ADGRB3: variants seen among roughly 807,000 people sequenced by gnomAD.
The protein encoded by ADGRB3 is adhesion G protein-coupled receptor B3, also known as brain-specific angiogenesis inhibitor 3.
ADGRB3 carries 37 observed loss-of-function variants against 193.4 expected under a neutral mutation model. That is an observed-to-expected ratio of 0.19 (90% CI 0.15 to 0.25). The LOEUF (loss-of-function observed/expected upper bound fraction) is 0.25. Among genes scored for constraint, ADGRB3 ranks in the 10% least tolerant of loss-of-function variants. The pLI, the probability that ADGRB3 is intolerant of heterozygous loss-of-function variation, is 1.00. For missense variants in ADGRB3, 1,637 were observed against 1,852.9 expected (o/e 0.88, Z 2.14); for synonymous variants, 690 against 644.2 (o/e 1.07, Z -1.08).
chr6:68,749,281 A>C (rs1766146077), intron 3 of ADGRB3, among the ~76,000 whole-genome samples: 2 of 152,186 alleles, frequency 1.3e-5, no homozygotes, highest in African/African-American at 4.8e-5. Context: ...TCAGGCTGTA[A>C]ATTTTCCAAA....
intron 20 of ADGRB3, among the ~76,000 whole-genome samples, chr6:69,315,630 C>T (rs1370256319): frequency 6.6e-6 from 1 of 151,330 alleles, no homozygotes; most frequent in Non-Finnish European, 1.5e-5. Flanking sequence ...CTGTGGTCGT[C>T]ACCAAAATTT....
At chr6:68,924,150 T>C (rs1767118144) in intron 3 of ADGRB3, among the ~76,000 whole-genome samples, 1 of 152,084 alleles carries the variant, frequency 6.6e-6, no homozygotes, top group African/African-American at 2.4e-5. Context: ...TTACTGCTGA[T>C]TTATAAGAAT....
intron 13 of ADGRB3, among the ~76,000 whole-genome samples, chr6:69,030,366 A>G (rs1451722846): frequency 6.6e-6 from 1 of 152,190 alleles, no homozygotes; most frequent in African/African-American, 2.4e-5. Context: ...AACCAACCCA[A>G]ATGCCCATCA....
intron 17 of ADGRB3, among the ~76,000 whole-genome samples, chr6:69,139,589 C>A (rs1394861460): frequency 6.6e-6 from 1 of 152,120 alleles, no homozygotes; most frequent in Non-Finnish European, 1.5e-5. Flanking sequence ...ATAACTATAG[C>A]AACCATTTTT....
intron 20 of ADGRB3, among the ~76,000 whole-genome samples, chr6:69,251,692 T>A (rs1331685926): frequency 6.6e-6 from 1 of 152,168 alleles, no homozygotes; most frequent in African/African-American, 2.4e-5. Context: ...AACATAGTGT[T>A]TTGATATAAG....
At chr6:69,171,586 A>G (rs1191549429) in intron 17 of ADGRB3, among the ~76,000 whole-genome samples, 1 of 152,198 alleles carries the variant, frequency 6.6e-6, no homozygotes, top group Admixed American at 6.5e-5. Flanking sequence ...GTTATGATCC[A>G]TACAATTGGA....
At chr6:69,356,439 G>T (rs1446336672) in intron 28 of ADGRB3, among the ~76,000 whole-genome samples, 2 of 152,044 alleles carry the variant, frequency 1.3e-5, no homozygotes, top group East Asian at 3.8e-4. Flanking sequence ...TGACAAAATA[G>T]AATTCTTAAA....
At chr6:69,313,740 C>G (rs1049331662) in intron 20 of ADGRB3, among the ~76,000 whole-genome samples, 1 of 151,472 alleles carries the variant, frequency 6.6e-6, no homozygotes, top group Admixed American at 6.6e-5. Flanking sequence ...TGGTTTTTAC[C>G]CTTTGCTTAT....
chr6:69,309,285 A>G (rs1462643724), intron 20 of ADGRB3, among the ~76,000 whole-genome samples: 2 of 151,782 alleles, frequency 1.3e-5, no homozygotes. Context: ...GAGAATTTTC[A>G]ACAGATAATG....
intron 20 of ADGRB3, among the ~76,000 whole-genome samples, chr6:69,297,988 C>T (rs949278405): frequency 4.6e-5 from 7 of 151,974 alleles, no homozygotes; most frequent in Non-Finnish European, 8.8e-5. Flanking sequence ...TTGGAGTTTT[C>T]GTTCTCACAT....
chr6:69,198,622 A>G (rs546000647), intron 17 of ADGRB3, among the ~76,000 whole-genome samples: 4 of 152,206 alleles, frequency 2.6e-5, no homozygotes, highest in African/African-American at 9.6e-5. Flanking sequence ...ATAAATTCAG[A>G]ATGTTCAACA....
chr6:68,913,744 C>T (rs953151084), intron 3 of ADGRB3, among the ~76,000 whole-genome samples: 11 of 151,982 alleles, frequency 7.2e-5, no homozygotes, highest in Admixed American at 3.3e-4. Context: ...CAAACTACTC[C>T]GAACTACAGG....
intron 3 of ADGRB3, among the ~76,000 whole-genome samples, chr6:68,854,010 C>T (rs901480609): frequency 6.6e-6 from 1 of 152,136 alleles, no homozygotes; most frequent in African/African-American, 2.4e-5. Flanking sequence ...GCACTGCCTG[C>T]TCATTTCTTG....
intron 3 of ADGRB3, among the ~76,000 whole-genome samples, chr6:68,674,727 A>T (rs1027912636): frequency 6.6e-6 from 1 of 152,256 alleles, no homozygotes; most frequent in Non-Finnish European, 1.5e-5. Flanking sequence ...AGAGATGCAA[A>T]GAACAAAAGG....
chr6:69,162,971 TA>T (rs1223039158), intron 17 of ADGRB3, among the ~76,000 whole-genome samples: 1 of 152,074 alleles, frequency 6.6e-6, no homozygotes, highest in East Asian at 1.9e-4. Context: ...GCAGGTTTCA[TA>T]TTCTTTGCCA....
intron 30 of ADGRB3, among the ~76,000 whole-genome samples, chr6:69,376,577 G>A (rs1769826410): frequency 6.6e-6 from 1 of 151,952 alleles, no homozygotes; most frequent in African/African-American, 2.4e-5. Context: ...TTTTTACAAG[G>A]AGATTTGGGG....
At chr6:69,021,222 A>C (rs1029711411) in intron 13 of ADGRB3, among the ~76,000 whole-genome samples, 5 of 151,924 alleles carry the variant, frequency 3.3e-5, no homozygotes. Context: ...TTGGATTAAG[A>C]CTACTTAAAG....
At chr6:68,784,315 A>C (rs2127362720) in intron 3 of ADGRB3, among the ~76,000 whole-genome samples, 1 of 152,250 alleles carries the variant, frequency 6.6e-6, no homozygotes, top group African/African-American at 2.4e-5. Context: ...CACTTGATTT[A>C]GCCAAAAGGC....
chr6:68,948,243 G>A (rs1034177404), intron 6 of ADGRB3, among the ~76,000 whole-genome samples: 4 of 152,192 alleles, frequency 2.6e-5, no homozygotes, highest in African/African-American at 9.6e-5. Context: ...TGCTACTGAT[G>A]TTTTCTGATA....
Sources: gnomAD v4.1 joint callset for allele counts (sites outside exome capture counted in the v4.1 genomes callset) on GRCh38, gnomAD v4.1.1 for gene constraint, MANE v1.5 for transcripts, NCBI Gene and HGNC (gene_info 2026-07-23, HGNC 2026-07-21) for gene names.